The following SPATA13 variants were observed in gnomAD, a reference collection of about 807,000 sequenced individuals.
The protein encoded by SPATA13 is spermatogenesis associated 13.
In SPATA13, 50 loss-of-function variants were observed where a neutral mutation model predicts 104.0. The observed-to-expected ratio is 0.48, with a 90% CI of 0.38 to 0.61. The LOEUF (loss-of-function observed/expected upper bound fraction) is 0.61, where lower values mean the gene tolerates loss of function less well. Among genes scored for constraint, SPATA13 ranks in the 20% least tolerant of loss-of-function variants. SPATA13 has a pLI of 0.00. For missense variants in SPATA13, 1,524 were observed against 1,690.6 expected, an observed-to-expected ratio of 0.90 and a Z score of 1.73; for synonymous variants, 606 against 667.5, an observed-to-expected ratio of 0.91 and a Z score of 1.42.
intron 3 of SPATA13, among the ~76,000 whole-genome samples, chr13:24,105,268 G>A (rs1880400844): frequency 6.6e-6 from 1 of 152,032 alleles, no homozygotes; most frequent in Non-Finnish European, 1.5e-5. Flanking sequence ...GACTACAGGT[G>A]CACACCATCA....
upstream of SPATA13, among the ~76,000 whole-genome samples, chr13:24,159,131 AT>A (rs1555265095): frequency 0.36 from 53,967 of 151,508 alleles, 9,814 homozygotes; most frequent in Admixed American, 0.45. Flanking sequence ...AGACCGTGAT[AT>A]TTTTTTTTAA....
chr13:24,098,849 C>T (rs957261850), intron 3 of SPATA13, among the ~76,000 whole-genome samples: 5 of 151,444 alleles, frequency 3.3e-5, no homozygotes, highest in Non-Finnish European at 7.4e-5. Context: ...ATTGCTTGAG[C>T]CCAGGAGGTG....
At chr13:24,136,694 G>A (rs9553199) in intron 3 of SPATA13, among the ~76,000 whole-genome samples, 11,460 of 152,280 alleles carry the variant, frequency 0.075, 843 homozygotes, top group East Asian at 0.4. Context: ...TGGGCTCTGA[G>A]AGATAGGCCC....
rs546076281 is a variant in SPATA13, at chr13:24,184,509, T to A, written c.-112+23577T>A. Among the ~76,000 whole-genome samples the A allele has an allele frequency of 7.2e-5, 11 of 152,316 alleles. No individual in the cohort carries two copies. The South Asian group carries it at 2.3e-3, about 32-fold the overall frequency. ...CCAACCAAATCACAAAGATTATCAC[T>A]TTTTTGGTGGTAGTGTTGCCAGTTT... On this transcript the variant is annotated intron_variant, in intron 1 of 12. Coordinates refer to ENST00000382108, the MANE Select transcript of SPATA13 (RefSeq NM_001166271.3).
intron 3 of SPATA13, among the ~76,000 whole-genome samples, chr13:24,050,343 C>T (rs181827612): frequency 1.4e-3 from 207 of 152,306 alleles, no homozygotes; most frequent in African/African-American, 4.6e-3. Context: ...ATAATGCTGA[C>T]GAGTCAGTTT....
chr13:24,133,615 G>A (rs1048572559), intron 3 of SPATA13, among the ~76,000 whole-genome samples: 1 of 152,156 alleles, frequency 6.6e-6, no homozygotes, highest in Non-Finnish European at 1.5e-5. Flanking sequence ...GTAAAGGTGT[G>A]TGTGGGATGG....
intron 3 of SPATA13, among the ~76,000 whole-genome samples, chr13:24,026,771 T>G (rs4770554): frequency 0.99 from 150,016 of 151,988 alleles, 74,059 homozygotes; most frequent in Middle Eastern, 1. Flanking sequence ...TGGAGACGGG[T>G]TTTCACCGTG....
At chr13:24,188,042 T>G (rs1218699970) in intron 1 of SPATA13, among the ~76,000 whole-genome samples, 1 of 152,112 alleles carries the variant, frequency 6.6e-6, no homozygotes, top group Non-Finnish European at 1.5e-5. Flanking sequence ...TTGAAGGAAA[T>G]TAAAAGTGAT....
chr13:24,038,224 A>G (rs1285989102), intron 3 of SPATA13, among the ~76,000 whole-genome samples: 1 of 152,168 alleles, frequency 6.6e-6, no homozygotes, highest in Non-Finnish European at 1.5e-5. Flanking sequence ...ACTAGGCTAG[A>G]TTTTTAACAA....
Position 24,207,079 on chromosome 13 carries a change from G to C in SPATA13, c.-111-15740G>C, listed in dbSNP as rs558906266. Among the ~76,000 whole-genome samples the C allele has an allele frequency of 1.8e-4, 27 of 152,166 alleles. 1 individual carries two copies. The highest frequency in any genetic ancestry group is 8.3e-4 in the South Asian group (4 of 4,828). On this transcript the variant is annotated intron_variant, in intron 1 of 12. Coordinates refer to ENST00000382108, the MANE Select transcript of SPATA13 (RefSeq NM_001166271.3). ...CATGTCCTTTGCAGTTATATGGATG[G>C]AGTTGGAAGCCATTATCCTCAGCAA... is the stretch of plus-strand genomic sequence containing the variant.
chr13:24,246,780 T>C (rs572525309), intron 2 of SPATA13, among the ~76,000 whole-genome samples: 3 of 152,174 alleles, frequency 2.0e-5, no homozygotes, highest in African/African-American at 4.8e-5. Context: ...GGATAATCAC[T>C]TGAACCTGGG....
intron 3 of SPATA13, among the ~76,000 whole-genome samples, chr13:24,019,803 T>A (rs1876893613): frequency 1.3e-5 from 2 of 152,096 alleles, no homozygotes; most frequent in South Asian, 4.1e-4. Context: ...AGAGAATCAT[T>A]TGGTGTTTAG....
chr13:24,065,704 G>A (rs953278434), intron 3 of SPATA13, among the ~76,000 whole-genome samples: 7 of 152,220 alleles, frequency 4.6e-5, no homozygotes, highest in Admixed American at 1.3e-4. Context: ...ACATGGTATT[G>A]TATTTGTTTC....
At chr13:24,214,274 A>G (rs752841996) in intron 1 of SPATA13, among the ~76,000 whole-genome samples, 12 of 152,366 alleles carry the variant, frequency 7.9e-5, no homozygotes, top group South Asian at 2.1e-4. Flanking sequence ...TGCATGTACA[A>G]TAAACTTAAA....
chr13:24,220,384 G>C (rs1203883733), intron 1 of SPATA13, among the ~76,000 whole-genome samples: 1 of 151,276 alleles, frequency 6.6e-6, no homozygotes, highest in African/African-American at 2.4e-5. Context: ...TTCAGTGCGA[G>C]TCATAAGAAG....
chr13:24,037,942 C>CT (rs1440185603), intron 3 of SPATA13, among the ~76,000 whole-genome samples: 2 of 151,708 alleles, frequency 1.3e-5, no homozygotes, highest in African/African-American at 2.4e-5. Context: ...AATGGAGTCT[C>CT]GCTCTGTCAC....
At chr13:24,096,626 A>G (rs1880095281) in intron 3 of SPATA13, among the ~76,000 whole-genome samples, 1 of 152,130 alleles carries the variant, frequency 6.6e-6, no homozygotes, top group Non-Finnish European at 1.5e-5. Context: ...CCTAATTTGG[A>G]CAGGTATGGA....
intron 4 of SPATA13, among the ~76,000 whole-genome samples, chr13:24,281,472 C>G (rs564673693): frequency 1.3e-5 from 2 of 152,298 alleles, no homozygotes; most frequent in Non-Finnish European, 2.9e-5. Flanking sequence ...CCCTGGCTGT[C>G]GCGGTGTCCG....
intron 2 of SPATA13, among the ~76,000 whole-genome samples, chr13:24,240,519 T>C (rs1022803695): frequency 6.6e-6 from 1 of 152,120 alleles, no homozygotes; most frequent in Non-Finnish European, 1.5e-5. Context: ...GCACAGGACA[T>C]GGTCACGGGC....
Sources: allele counts gnomAD v4.1 joint callset (sites outside exome capture counted in the v4.1 genomes callset), GRCh38; gene constraint gnomAD v4.1.1; transcripts MANE v1.5; gene names NCBI Gene and HGNC (gene_info 2026-07-23, HGNC 2026-07-21).